The following HS6ST3 variants were observed in gnomAD, a reference collection of about 807,000 sequenced individuals.
HS6ST3 encodes heparan sulfate 6-O-sulfotransferase 3.
In HS6ST3, 12 loss-of-function variants were observed where a neutral mutation model predicts 36.7. That is an observed-to-expected ratio of 0.33 (90% CI 0.21 to 0.53). The LOEUF is 0.53. HS6ST3 is among the 20% of genes least tolerant of loss of function. The pLI, the probability that HS6ST3 is intolerant of heterozygous loss-of-function variation, is 0.95. For missense variants in HS6ST3, 584 were observed against 640.9 expected, an observed-to-expected ratio of 0.91 and a Z score of 0.96; for synonymous variants, 240 against 257.5, an observed-to-expected ratio of 0.93 and a Z score of 0.65.
intron 1 of HS6ST3, among the ~76,000 whole-genome samples, chr13:96,167,788 T>G (rs1041841539): frequency 6.6e-6 from 1 of 152,230 alleles, no homozygotes; most frequent in Admixed American, 6.5e-5. Context: ...TGGAAATCAT[T>G]AACATTTCTA....
At chr13:96,609,179 C>A (rs2056449124) in intron 1 of HS6ST3, among the ~76,000 whole-genome samples, 1 of 151,932 alleles carries the variant, frequency 6.6e-6, no homozygotes, top group African/African-American at 2.4e-5. Flanking sequence ...ACTGTGTTAG[C>A]CAGGATGGTC....
intron 1 of HS6ST3, among the ~76,000 whole-genome samples, chr13:96,693,225 T>C (rs1210492784): frequency 1.3e-5 from 2 of 152,202 alleles, no homozygotes; most frequent in East Asian, 1.9e-4. Flanking sequence ...AAGCTCATCA[T>C]TGAATATGGA....
intron 1 of HS6ST3, among the ~76,000 whole-genome samples, chr13:96,101,096 C>G (rs1343504303): frequency 6.6e-6 from 1 of 151,988 alleles, no homozygotes; most frequent in Non-Finnish European, 1.5e-5. Flanking sequence ...ATCTTAGTAC[C>G]CCAGAATCAT....
chr13:96,476,333 G>T (rs2055863803), intron 1 of HS6ST3, among the ~76,000 whole-genome samples: 1 of 152,012 alleles, frequency 6.6e-6, no homozygotes, highest in Non-Finnish European at 1.5e-5. Flanking sequence ...AACTAGACTT[G>T]AATGATTCCT....
At chr13:96,505,688 G>C (rs2056023398) in intron 1 of HS6ST3, among the ~76,000 whole-genome samples, 1 of 152,108 alleles carries the variant, frequency 6.6e-6, no homozygotes. Context: ...CTAGTTATTT[G>C]ATGAAGGAAT....
intron 1 of HS6ST3, among the ~76,000 whole-genome samples, chr13:96,160,796 A>G (rs1016443141): frequency 1.3e-5 from 2 of 152,218 alleles, no homozygotes; most frequent in South Asian, 4.1e-4. Context: ...AGATGGATGT[A>G]CAGGTACACT....
intron 1 of HS6ST3, among the ~76,000 whole-genome samples, chr13:96,652,825 G>T (rs561106888): frequency 6.6e-6 from 1 of 152,092 alleles, no homozygotes; most frequent in East Asian, 1.9e-4. Flanking sequence ...TTAAAAAGGT[G>T]GTGCTGGGTC....
chr13:96,145,503 TG>T (rs1336799502), intron 1 of HS6ST3, among the ~76,000 whole-genome samples: 1 of 152,192 alleles, frequency 6.6e-6, no homozygotes, highest in African/African-American at 2.4e-5. Context: ...TGGGGTTGTT[TG>T]TTTTTTTCTT....
intron 1 of HS6ST3, among the ~76,000 whole-genome samples, chr13:96,213,137 T>C (rs1332424030): frequency 6.6e-6 from 1 of 152,240 alleles, no homozygotes; most frequent in Non-Finnish European, 1.5e-5. Flanking sequence ...AATCCAAATA[T>C]TGACTTTAAG....
chr13:96,116,516 G>T (rs148156277), intron 1 of HS6ST3, among the ~76,000 whole-genome samples: 1 of 152,142 alleles, frequency 6.6e-6, no homozygotes, highest in African/African-American at 2.4e-5. Flanking sequence ...TGCGTTTAAC[G>T]TGCAGTGAAA....
chr13:96,234,893 C>T (rs895091320), intron 1 of HS6ST3, among the ~76,000 whole-genome samples: 10 of 152,000 alleles, frequency 6.6e-5, no homozygotes, highest in African/African-American at 1.2e-4. Flanking sequence ...TTAGAAATTC[C>T]CATTTTCTAT....
intron 1 of HS6ST3, among the ~76,000 whole-genome samples, chr13:96,511,819 T>G (rs538590151): frequency 1.3e-5 from 2 of 152,154 alleles, no homozygotes; most frequent in Non-Finnish European, 2.9e-5. Flanking sequence ...GACAATCTTT[T>G]CCATCATTTT....
intron 1 of HS6ST3, among the ~76,000 whole-genome samples, chr13:96,617,131 TA>T: frequency 6.6e-6 from 1 of 152,344 alleles, no homozygotes; most frequent in Middle Eastern, 3.4e-3. Flanking sequence ...CATCACTGAA[TA>T]GCCTTTCTCT....
intron 1 of HS6ST3, among the ~76,000 whole-genome samples, chr13:96,725,524 C>T (rs909450763): frequency 5.3e-5 from 8 of 152,166 alleles, no homozygotes; most frequent in Middle Eastern, 3.4e-3. Flanking sequence ...CATTATGTTC[C>T]ATTCCAAGTT....
chr13:96,467,152 T>C (rs1161259775), intron 1 of HS6ST3, among the ~76,000 whole-genome samples: 1 of 152,210 alleles, frequency 6.6e-6, no homozygotes, highest in Non-Finnish European at 1.5e-5. Flanking sequence ...CACCATATCA[T>C]GTATACCGTT....
chr13:96,544,481 A>T lies in HS6ST3; in HGVS notation c.708-288009A>T, dbSNP rs2056189882. 2.0e-5 allele frequency among the ~76,000 whole-genome samples: 3 copies of T among 152,208 alleles called. No homozygotes were observed. In the South Asian group the frequency reaches 6.2e-4, roughly 32 times the overall value. ...AGATGGATAGGAATTTCAAACTAGAACAGTCCAACAGTGGAACAAGCTATT... is the reference window on the plus strand; with the variant it reads ...AGATGGATAGGAATTTCAAACTAGATCAGTCCAACAGTGGAACAAGCTATT... On this transcript the variant is annotated intron_variant, in intron 1 of 1. Transcript: ENST00000376705.
At chr13:96,299,877 G>A (rs1250763668) in intron 1 of HS6ST3, among the ~76,000 whole-genome samples, 1 of 151,952 alleles carries the variant, frequency 6.6e-6, no homozygotes, top group African/African-American at 2.4e-5. Flanking sequence ...ACTGGAGACT[G>A]GGTAATTTAT....
chr13:96,090,751 G>C lies in HS6ST3; in HGVS notation c.-112G>C, dbSNP rs1488230285. 3 of 824,230 alleles carry C rather than the reference G, an allele frequency of 3.6e-6. No homozygotes were observed. Among genetic ancestry groups the C allele is most frequent in the Middle Eastern group, 4.4e-4 (1 of 2,270 alleles). 51.1% of individuals were successfully genotyped at this position (824,230 alleles called of 1,614,324 possible). A position where few individuals can be genotyped will look rare whatever the true frequency, so the allele number is the denominator to read the frequency against. On this transcript the variant is annotated 5_prime_UTR_variant, in exon 1 of 2. Coordinates refer to ENST00000376705, the MANE Select transcript of HS6ST3 (RefSeq NM_153456.4). ...ACGCCTCGGCGTCAGGGGCATGGAG[G>C]AACGGCGGGCTCCGAGCCGCGCCCC...
chr13:96,767,248 A>C (rs1242029394), intron 1 of HS6ST3, among the ~76,000 whole-genome samples: 2 of 152,208 alleles, frequency 1.3e-5, no homozygotes, highest in Non-Finnish European at 2.9e-5. Flanking sequence ...AATACCTTCT[A>C]TCTATAACAC....
Sources: gnomAD v4.1 joint callset for allele counts (sites outside exome capture counted in the v4.1 genomes callset) on GRCh38, gnomAD v4.1.1 for gene constraint, MANE v1.5 for transcripts, NCBI Gene and HGNC (gene_info 2026-07-23, HGNC 2026-07-21) for gene names.